SETD5: variants seen among roughly 807,000 people sequenced by gnomAD.
SETD5 encodes histone-lysine N-methyltransferase SETD5.
Under a neutral mutation model 153.3 loss-of-function variants are expected in SETD5, and 44 were observed. The ratio of observed to expected loss-of-function variants is 0.29; its 90% CI spans 0.23 to 0.37. The LOEUF (loss-of-function observed/expected upper bound fraction) is 0.37, where lower values mean the gene tolerates loss of function less well. Among genes scored for constraint, SETD5 ranks in the 10% least tolerant of loss-of-function variants. The pLI is 1.00. For missense variants in SETD5, 1,544 were observed against 1,768.0 expected, an observed-to-expected ratio of 0.87 and a Z score of 2.27; for synonymous variants, 716 against 645.2, an observed-to-expected ratio of 1.11 and a Z score of -1.66.
chr3:9,433,796 G>A (rs1363131273), intron 3 of SETD5, 49 bp from the exon 4 acceptor site: 1 of 1,561,136 alleles, frequency 6.4e-7, no homozygotes. Flanking sequence ...TTAGTTTAAG[G>A]GAAGATTAGG....
chr3:9,459,714 CAAAAAA>C (rs386395917), intron 17 of SETD5, among the ~76,000 whole-genome samples: 17 of 78,298 alleles, frequency 2.2e-4, no homozygotes, highest in Admixed American at 2.0e-3. Flanking sequence ...GAGACTCCAT[CAAAAAA>C]AAAAAAAAAA....
chr3:9,420,454 A>G (rs537998586), intron 1 of SETD5, among the ~76,000 whole-genome samples: 3 of 152,260 alleles, frequency 2.0e-5, no homozygotes, highest in Admixed American at 2.0e-4. Flanking sequence ...GATTTCTTAT[A>G]GACATCGGTT....
In SETD5 at chr3:9,470,781, G is replaced by A. The variant is rs1321769488; in HGVS notation, c.3047G>A (p.Gly1016Glu). 1 of 1,613,856 alleles carries A rather than the reference G, an allele frequency of 6.2e-7. No homozygotes were observed. Among genetic ancestry groups the A allele is most frequent in the Admixed American group, 1.7e-5 (1 of 59,998 alleles). ...GATAGGAAGCCTTTACATTTGGATGGGGGATATTGTTCCCCTGCAGAAGGA... is the reference window on the plus strand; with the variant it reads ...GATAGGAAGCCTTTACATTTGGATGAGGGATATTGTTCCCCTGCAGAAGGA... The part of the protein sequence containing the change: ...VGDRKPLHLD[G>E]GYCSPAEGFS... Residue 1016 changes from glycine to glutamate, a missense_variant, in exon 19 of 23, where the codon GGG (glycine) becomes GAG (glutamate). Physicochemically the swap from Gly to Glu is moderately conservative, Grantham distance 98. Transcript: ENST00000402198.
chr3:9,408,319 A>G (rs926390617), intron 1 of SETD5, among the ~76,000 whole-genome samples: 4 of 152,024 alleles, frequency 2.6e-5, no homozygotes, highest in East Asian at 1.9e-4. Flanking sequence ...TTCTTTTCCC[A>G]TTAGGTGGTA....
At chr3:9,455,251 G>A (rs1412104486) in intron 17 of SETD5, among the ~76,000 whole-genome samples, 5 of 137,286 alleles carry the variant, frequency 3.6e-5, no homozygotes, top group Admixed American at 2.5e-4. Context: ...GATTACAGGC[G>A]CCCGCCACCT....
intron 1 of SETD5, among the ~76,000 whole-genome samples, chr3:9,399,684 A>G (rs1156615002): frequency 1.3e-5 from 2 of 152,112 alleles, no homozygotes; most frequent in African/African-American, 4.8e-5. Flanking sequence ...TCACTCCTAA[A>G]CTGCTGGCTT....
intron 1 of SETD5, among the ~76,000 whole-genome samples, chr3:9,403,493 G>A (rs558326419): frequency 2.6e-5 from 4 of 152,280 alleles, no homozygotes; most frequent in African/African-American, 9.6e-5. Flanking sequence ...ATAGTTGCTC[G>A]TAGTTGTCTA....
At position 9,445,748 on chromosome 3, in the gene SETD5, C is replaced by A; in HGVS notation, c.1524+8C>A. Reference sequence around the variant, plus strand: ...CTAGCTCATAGCAGGAGGGTGAGTACTGTCTGACATTACTTTGCTCCTTCT... The same window carrying A: ...CTAGCTCATAGCAGGAGGGTGAGTAATGTCTGACATTACTTTGCTCCTTCT... On this transcript the variant is annotated splice_region_variant and intron_variant, in intron 13 of 22. Transcript: ENST00000402198. 6.3e-7 allele frequency: 1 copy of A among 1,594,332 alleles called. No homozygotes were observed. The highest frequency in any genetic ancestry group is 8.6e-7 in the Non-Finnish European group (1 of 1,169,082).
chr3:9,429,818 T>G (rs1387417610), intron 3 of SETD5: 1 of 1,302,964 alleles, frequency 7.7e-7, no homozygotes, highest in South Asian at 1.2e-5. Context: ...CAATCTTCCT[T>G]GCTTACAGAA....
intron 18 of SETD5, among the ~76,000 whole-genome samples, chr3:9,466,362 T>C (rs1005989319): frequency 2.1e-4 from 32 of 151,522 alleles, no homozygotes; most frequent in Non-Finnish European, 4.3e-4. Context: ...GTACTCAGTG[T>C]GTTCCTTATC....
At chr3:9,425,051 G>GT (rs1559380190) in intron 2 of SETD5, among the ~76,000 whole-genome samples, 7 of 91,444 alleles carry the variant, frequency 7.7e-5, no homozygotes, top group Non-Finnish European at 6.5e-5. Flanking sequence ...TACCGACAAT[G>GT]TTTCTTTTTT....
intron 7 of SETD5, chr3:9,436,884 T>G: frequency 1.3e-6 from 2 of 1,550,396 alleles, no homozygotes; most frequent in Non-Finnish European, 1.7e-6. Context: ...TCCTTGCGGA[T>G]GAAGGTAAGG....
chr3:9,459,714 C>CAAA (rs386395917), intron 17 of SETD5, among the ~76,000 whole-genome samples: 1 of 78,268 alleles, frequency 1.3e-5, no homozygotes, highest in African/African-American at 4.2e-5. Flanking sequence ...GAGACTCCAT[C>CAAA]AAAAAAAAAA....
At chr3:9,427,711 C>G (rs6775156) in intron 2 of SETD5, among the ~76,000 whole-genome samples, 3,095 of 152,022 alleles carry the variant, frequency 0.02, 106 homozygotes, top group African/African-American at 0.069. Context: ...TGCAAAAGTC[C>G]TTGTTAACAT....
At chr3:9,466,322 G>T (rs928532245) in intron 18 of SETD5, among the ~76,000 whole-genome samples, 1 of 150,974 alleles carries the variant, frequency 6.6e-6, no homozygotes, top group Non-Finnish European at 1.5e-5. Flanking sequence ...AAATCAGAAG[G>T]TAAGTCACTT....
At chr3:9,472,720 C>G (rs999213013) in intron 19 of SETD5, among the ~76,000 whole-genome samples, 1 of 151,994 alleles carries the variant, frequency 6.6e-6, no homozygotes, top group African/African-American at 2.4e-5. Flanking sequence ...CCACCTACCT[C>G]TCCCCACCTC....
chr3:9,400,747 A>C (rs2034632051), intron 1 of SETD5, among the ~76,000 whole-genome samples: 1 of 152,226 alleles, frequency 6.6e-6, no homozygotes, highest in Non-Finnish European at 1.5e-5. Context: ...TGTAGGACAG[A>C]CCAGAAGAAA....
chr3:9,463,495 T>C (rs1220479144), intron 17 of SETD5, among the ~76,000 whole-genome samples: 1 of 152,242 alleles, frequency 6.6e-6, no homozygotes, highest in African/African-American at 2.4e-5. Flanking sequence ...TGCTTTGACC[T>C]AAATGGTCAC....
chr3:9,454,640 A>AAAAAAAAAC (rs2043011016), intron 17 of SETD5, among the ~76,000 whole-genome samples: 2 of 151,288 alleles, frequency 1.3e-5, no homozygotes, highest in Non-Finnish European at 3.0e-5. Flanking sequence ...AAAAAAAAAA[A>AAAAAAAAAC]AAAAAAAAAA....
Sources: allele counts gnomAD v4.1 joint callset (sites outside exome capture counted in the v4.1 genomes callset), GRCh38; gene constraint gnomAD v4.1.1; transcripts MANE v1.5; gene names NCBI Gene and HGNC (gene_info 2026-07-23, HGNC 2026-07-21).